ATG14: variants seen among roughly 807,000 people sequenced by gnomAD.
ATG14 encodes the protein autophagy related 14, also known as beclin 1-associated autophagy-related key regulator.
A neutral mutation model predicts 60.4 loss-of-function variants in ATG14; 35 were observed. The ratio of observed to expected loss-of-function variants is 0.58; its 90% CI spans 0.44 to 0.77. The LOEUF is 0.77. Ranked by LOEUF, ATG14 falls within the 30% of genes least tolerant of loss-of-function variation. The probability of loss-of-function intolerance (pLI) is 0.00; values close to 1 mark genes in which losing one functional copy is unlikely to be tolerated. For synonymous variants in ATG14, 234 were observed against 228.8 expected, an observed-to-expected ratio of 1.02 and a Z score of -0.21; for missense variants, 647 against 626.3, an observed-to-expected ratio of 1.03 and a Z score of -0.35.
intron 3 of ATG14, among the ~76,000 whole-genome samples, chr14:55,395,660 T>C (rs1283534261): frequency 6.6e-6 from 1 of 152,236 alleles, no homozygotes; most frequent in East Asian, 1.9e-4. Flanking sequence ...GTGTGTATGA[T>C]AAATAATTTT....
intron 9 of ATG14, among the ~76,000 whole-genome samples, chr14:55,375,626 G>A (rs1350320403): frequency 6.6e-6 from 1 of 151,368 alleles, no homozygotes; most frequent in Admixed American, 6.6e-5. Context: ...TTATAGGCGT[G>A]AGCCACCATG....
At chr14:55,407,509 C>T (rs1040781839) in intron 1 of ATG14, among the ~76,000 whole-genome samples, 3 of 152,234 alleles carry the variant, frequency 2.0e-5, no homozygotes, top group African/African-American at 4.8e-5. Flanking sequence ...AAGTGATCCG[C>T]CTGCCTCGGC....
At chr14:55,405,895 G>C (rs1049048076) in intron 1 of ATG14, among the ~76,000 whole-genome samples, 2 of 151,938 alleles carry the variant, frequency 1.3e-5, no homozygotes, top group Admixed American at 6.6e-5. Context: ...GTGGCGGGGG[G>C]GGCAGGGGAA....
chr14:55,411,581 G>A, intron 1 of ATG14, 21 bp downstream of exon 1: 9 of 1,589,808 alleles, frequency 5.7e-6, no homozygotes, highest in South Asian at 4.5e-5. Context: ...AGAAACAATA[G>A]GGCCGTGGCG....
intron 9 of ATG14, among the ~76,000 whole-genome samples, chr14:55,374,704 T>C (rs1319417918): frequency 6.6e-6 from 1 of 152,196 alleles, no homozygotes; most frequent in Admixed American, 6.6e-5. Flanking sequence ...TTTTTGTATA[T>C]AGAATGTGGT....
intron 9 of ATG14, among the ~76,000 whole-genome samples, chr14:55,374,908 A>G (rs1884889540): frequency 6.6e-6 from 1 of 152,228 alleles, no homozygotes; most frequent in African/African-American, 2.4e-5. Context: ...CCTTTATGCT[A>G]TGTTTTAAAT....
At position 55,369,928 on chromosome 14, in the gene ATG14, G is replaced by A; in HGVS notation, c.1173-3C>T. 1 of 1,590,548 alleles carries A rather than the reference G, an allele frequency of 6.3e-7. No individual in the cohort carries two copies. Among genetic ancestry groups the A allele is most frequent in the South Asian group, 1.1e-5 (1 of 88,774 alleles). On this transcript the variant is annotated splice_polypyrimidine_tract_variant and splice_region_variant and intron_variant, in intron 9 of 9. Transcript: ENST00000247178. The stretch of plus-strand genomic sequence containing the variant: ...CTCGTACTTCAAAGGGCCCTGACCT[G>A]TGTGCAGACAATGAGGGTCTCTTTA...
At chr14:55,381,805 A>G (rs1885038290) in intron 6 of ATG14, among the ~76,000 whole-genome samples, 157 bp downstream of exon 6, 1 of 152,232 alleles carries the variant, frequency 6.6e-6, no homozygotes, top group East Asian at 1.9e-4. Context: ...TGGGGTGATC[A>G]AAATGTTTTG....
chr14:55,378,023 C>T lies in ATG14; in HGVS notation c.1047G>A (p.Lys349=). The change falls in exon 8 of 10, where the codon AAG becomes AAA. Residue 349 remains lysine, a synonymous_variant. Transcript: ENST00000247178. ...LSKQKFTRAV[K]KLNANILYLC... ...GGTAAAGAATATTTGCATTCAGTTTCTTCACTGCTCGAGTAAATTTCTGCT... is the reference window on the plus strand; with the variant it reads ...GGTAAAGAATATTTGCATTCAGTTTTTTCACTGCTCGAGTAAATTTCTGCT... 6.2e-7 allele frequency: 1 copy of T among 1,613,106 alleles called. No homozygotes were observed. The highest frequency in any genetic ancestry group is 8.5e-7 in the Non-Finnish European group (1 of 1,179,240).
intron 1 of ATG14, 106 bp from the exon 2 acceptor site, chr14:55,397,540 G>T: frequency 1.1e-6 from 1 of 885,982 alleles, no homozygotes; most frequent in Non-Finnish European, 1.8e-6. Context: ...ATGTGAAAAT[G>T]TCATTGTCCT....
chr14:55,383,246 AAAAG>A (rs943425618), intron 5 of ATG14, among the ~76,000 whole-genome samples: 19 of 152,204 alleles, frequency 1.2e-4, no homozygotes, highest in African/African-American at 3.9e-4. Flanking sequence ...TCGGGGGAAA[AAAAG>A]AAAGAAAATA....
Position 55,378,030 on chromosome 14 carries a change from G to A in ATG14, c.1040C>T (p.Ala347Val), listed in dbSNP as rs1361930940. 6.2e-7 allele frequency: 1 copy of A among 1,613,048 alleles called. No individual in the cohort carries two copies. Reference sequence around the variant, plus strand: ...AATATTTGCATTCAGTTTCTTCACTGCTCGAGTAAATTTCTGCTTGCTTAG... The same window carrying A: ...AATATTTGCATTCAGTTTCTTCACTACTCGAGTAAATTTCTGCTTGCTTAG... Reference protein sequence around the residue: ...ENLSKQKFTRAVKKLNANILY... With the variant: ...ENLSKQKFTRVVKKLNANILY... The change falls in exon 8 of 10, where the codon GCA becomes GTA. Residue 347 changes from alanine (A) to valine (V), a missense_variant. Physicochemically the swap from Ala to Val is moderately conservative, Grantham distance 64 (BLOSUM62 0). Transcript: ENST00000247178.
chr14:55,400,445 C>T (rs1295083969), intron 1 of ATG14, among the ~76,000 whole-genome samples: 2 of 152,112 alleles, frequency 1.3e-5, no homozygotes, highest in Non-Finnish European at 2.9e-5. Context: ...CTAATAGGTA[C>T]ACGGCATTTC....
Position 55,382,109 on chromosome 14 carries a change from T to G in ATG14, c.730A>C (p.Thr244Pro). ...CAGACCCATCGTCCTGAGAGGTAAG[T>G]TGTCCTCCGGGCTTCAGCAAGCTTG... ...VSKLAEARRT[T>P]YLSGRWVCDD... Residue 244 changes from threonine to proline, a missense_variant, in exon 6 of 10, where the codon ACT (threonine) becomes CCT (proline). By Grantham distance (38) the Thr-to-Pro change is conservative. Transcript: ENST00000247178. 6.2e-7 allele frequency: 1 copy of G among 1,614,064 alleles called. No individual in the cohort carries two copies. Among genetic ancestry groups the G allele is most frequent in the African/African-American group, 1.3e-5 (1 of 75,014 alleles).
intron 9 of ATG14, among the ~76,000 whole-genome samples, chr14:55,376,867 C>T (rs192970269): frequency 2.0e-5 from 3 of 152,282 alleles, no homozygotes; most frequent in South Asian, 2.1e-4. Context: ...ATGGATGGAA[C>T]GAAAGCTAAG....
At chr14:55,395,099 A>T (rs558750985) in intron 3 of ATG14, 1 of 502,840 alleles carries the variant, frequency 2.0e-6, no homozygotes, top group East Asian at 5.7e-5. Flanking sequence ...TTGTCTGAAG[A>T]TTTATCCTTT....
intron 9 of ATG14, 79 bp downstream of exon 9, chr14:55,377,740 G>T (rs1305943341): frequency 9.5e-7 from 1 of 1,052,754 alleles, no homozygotes. Context: ...TAGGGAACAC[G>T]ACTCTACTAT....
chr14:55,389,565 A>T (rs536113534), intron 4 of ATG14, among the ~76,000 whole-genome samples: 6 of 152,334 alleles, frequency 3.9e-5, no homozygotes, highest in African/African-American at 1.4e-4. Context: ...AGACAAGAAA[A>T]AGGGATTCAC....
chr14:55,380,468 G>A, intron 7 of ATG14, 105 bp downstream of exon 7: 1 of 728,722 alleles, frequency 1.4e-6, no homozygotes, highest in East Asian at 2.6e-5. Flanking sequence ...TCTCTGTCTT[G>A]GTAATACTTA....
Sources: gnomAD v4.1 joint callset for allele counts (sites outside exome capture counted in the v4.1 genomes callset) on GRCh38, gnomAD v4.1.1 for gene constraint, MANE v1.5 for transcripts, NCBI Gene and HGNC (gene_info 2026-07-23, HGNC 2026-07-21) for gene names.